The following ANKRD44 variants were observed in gnomAD, a reference collection of about 807,000 sequenced individuals.
ANKRD44 encodes the protein ankyrin repeat domain 44.
In ANKRD44, 35 loss-of-function variants were observed where a neutral mutation model predicts 116.0. The observed-to-expected ratio is 0.30, with a 90% confidence interval of 0.23 to 0.40. ANKRD44 has a LOEUF of 0.40. Among genes scored for constraint, ANKRD44 ranks in the 10% least tolerant of loss-of-function variants. ANKRD44 has a pLI of 1.00. For missense variants in ANKRD44, 1,014 were observed against 1,242.6 expected, an observed-to-expected ratio of 0.82 and a Z score of 2.77; for synonymous variants, 435 against 461.8, an observed-to-expected ratio of 0.94 and a Z score of 0.74.
chr2:197,000,688 T>C (rs932567552), intron 22 of ANKRD44, among the ~76,000 whole-genome samples, 186 bp from the exon 23 acceptor site: 2 of 152,220 alleles, frequency 1.3e-5, no homozygotes, highest in Non-Finnish European at 2.9e-5. Context: ...AGAACCTCTA[T>C]ATCCAGGTAG....
At chr2:197,048,631 A>G (rs940431321) in intron 16 of ANKRD44, among the ~76,000 whole-genome samples, 4 of 152,170 alleles carry the variant, frequency 2.6e-5, no homozygotes, top group Admixed American at 6.5e-5. Context: ...GCTATTGTGA[A>G]TAGTGCCGCA....
At chr2:197,179,170 G>A (rs1559127984) in intron 2 of ANKRD44, among the ~76,000 whole-genome samples, 1 of 152,000 alleles carries the variant, frequency 6.6e-6, no homozygotes, top group Non-Finnish European at 1.5e-5. Context: ...GTCTATTCCT[G>A]TGCCATTAAC....
chr2:197,134,962 A>T (rs1451077195), intron 4 of ANKRD44: 3 of 152,206 alleles, frequency 2.0e-5, no homozygotes, highest in Non-Finnish European at 4.4e-5. Context: ...CAAAATGGAA[A>T]TAAAATGTGG....
chr2:196,979,553 A>ATTTTTTTTTTTTTTTTTT (rs1202023600), intron 21 of ANKRD44, among the ~76,000 whole-genome samples: 1 of 90,066 alleles, frequency 1.1e-5, no homozygotes, highest in South Asian at 3.7e-4. Context: ...TAATAAGATG[A>ATTTTTTTTTTTTTTTTTT]CTTTTTTTTT....
At chr2:197,139,024 C>T (rs1004529962) in intron 3 of ANKRD44, among the ~76,000 whole-genome samples, 4 of 152,020 alleles carry the variant, frequency 2.6e-5, no homozygotes, top group Admixed American at 6.6e-5. Context: ...TAAAGTGTGA[C>T]GAGGCCAAGA....
At chr2:197,045,092 CT>C (rs11304628) in intron 16 of ANKRD44, among the ~76,000 whole-genome samples, 86,113 of 147,872 alleles carry the variant, frequency 0.58, 27,764 homozygotes, top group East Asian at 0.84. Flanking sequence ...TTTCTTTCTT[CT>C]TTTTTTTTTT....
intron 16 of ANKRD44, among the ~76,000 whole-genome samples, chr2:197,077,353 T>C (rs2077692104): frequency 6.6e-6 from 1 of 152,300 alleles, no homozygotes; most frequent in East Asian, 1.9e-4. Flanking sequence ...CTATTCCCTT[T>C]TCCCTCCTTT....
chr2:197,249,139 G>A (rs1486516865), intron 1 of ANKRD44, among the ~76,000 whole-genome samples: 2 of 152,124 alleles, frequency 1.3e-5, no homozygotes, highest in African/African-American at 4.8e-5. Context: ...TGAGCATGGT[G>A]GTGCACACCT....
intron 16 of ANKRD44, among the ~76,000 whole-genome samples, chr2:197,030,913 C>T (rs1559004843): frequency 6.6e-6 from 1 of 151,928 alleles, no homozygotes; most frequent in Non-Finnish European, 1.5e-5. Context: ...TAGGCTCAAG[C>T]AGTCCTCCTA....
chr2:196,991,522 C>G (rs1397033961), intron 27 of ANKRD44, among the ~76,000 whole-genome samples: 1 of 152,134 alleles, frequency 6.6e-6, no homozygotes, highest in Admixed American at 6.5e-5. Flanking sequence ...TTCAGTAGAT[C>G]AGAGACAGGA....
intron 16 of ANKRD44, among the ~76,000 whole-genome samples, chr2:197,036,535 G>A (rs570234285): frequency 7.9e-5 from 12 of 152,180 alleles, no homozygotes; most frequent in African/African-American, 2.2e-4. Context: ...GATTATAGGC[G>A]GTCTATGCAA....
intron 27 of ANKRD44, 147 bp downstream of exon 27, chr2:196,993,436 T>C: frequency 3.0e-6 from 2 of 658,346 alleles, no homozygotes; most frequent in Non-Finnish European, 5.2e-6. Context: ...GGACAAGTTA[T>C]CCTTGCTTGA....
At chr2:197,247,746 A>G (rs2082224092) in intron 1 of ANKRD44, among the ~76,000 whole-genome samples, 1 of 152,198 alleles carries the variant, frequency 6.6e-6, no homozygotes, top group African/African-American at 2.4e-5. Flanking sequence ...CTCTCTCCAA[A>G]TCAGGCCCAA....
At chr2:196,993,498 T>C (rs2075957042) in intron 27 of ANKRD44, 85 bp downstream of exon 27, 4 of 1,113,360 alleles carry the variant, frequency 3.6e-6, no homozygotes, top group Non-Finnish European at 4.0e-6. Context: ...GTGCCTTTTA[T>C]ACTAGCTCCT....
At chr2:196,976,902 A>C (rs891915980) in intron 21 of ANKRD44, among the ~76,000 whole-genome samples, 5 of 147,614 alleles carry the variant, frequency 3.4e-5, no homozygotes, top group African/African-American at 1.2e-4. Context: ...GCAGGAAAGA[A>C]GAGAGGGAGG....
intron 1 of ANKRD44, among the ~76,000 whole-genome samples, chr2:197,237,035 T>C (rs1403769145): frequency 6.6e-6 from 1 of 152,176 alleles, no homozygotes; most frequent in African/African-American, 2.4e-5. Flanking sequence ...GAGATGGCAA[T>C]GGTGTAGAAC....
At position 197,013,543 on chromosome 2, in the gene ANKRD44, T is replaced by A; in HGVS notation, c.1892A>T (p.Asn631Ile). The part of the protein sequence containing the change: ...NQGASIFVKD[N>I]VTKRTPLHAS... ...ATGAAGTGGGGTTCTTTTGGTTACA[T>A]TGTCTTTCACAAAGATGGATGCGCC... is the stretch of plus-strand genomic sequence containing the variant. The change falls in exon 18 of 28, where the codon AAT (asparagine) becomes ATT (isoleucine). Residue 631 changes from asparagine to isoleucine, a missense_variant. Transcript: ENST00000282272. The A allele has an allele frequency of 6.2e-7, 1 of 1,614,216 alleles. No homozygotes were observed. The highest frequency in any genetic ancestry group is 8.5e-7 in the Non-Finnish European group (1 of 1,180,038).
chr2:197,054,471 C>A (rs1255314766), intron 16 of ANKRD44, among the ~76,000 whole-genome samples: 2 of 152,104 alleles, frequency 1.3e-5, no homozygotes, highest in Non-Finnish European at 2.9e-5. Flanking sequence ...GGAAACATGT[C>A]CCCTTAAAAT....
chr2:197,127,414 T>C (rs186682649), intron 4 of ANKRD44, among the ~76,000 whole-genome samples: 5 of 152,268 alleles, frequency 3.3e-5, no homozygotes, highest in African/African-American at 9.6e-5. Context: ...TGCATTTCTC[T>C]TTTAAAAGTT....
Sources: allele counts gnomAD v4.1 joint callset (sites outside exome capture counted in the v4.1 genomes callset), GRCh38; gene constraint gnomAD v4.1.1; transcripts MANE v1.5; gene names NCBI Gene and HGNC (gene_info 2026-07-23, HGNC 2026-07-21).